MACROD2: variants seen among roughly 807,000 people sequenced by gnomAD.
MACROD2 encodes mono-ADP ribosylhydrolase 2, also known as ADP-ribose glycohydrolase MACROD2.
In MACROD2, 36 loss-of-function variants were observed where a neutral mutation model predicts 70.4. The ratio of observed to expected loss-of-function variants is 0.51; its 90% CI spans 0.39 to 0.68. The LOEUF is 0.68. Ranked by LOEUF, MACROD2 falls within the 30% of genes least tolerant of loss-of-function variation. The pLI is 0.00. For synonymous variants in MACROD2, 172 were observed against 178.8 expected (o/e 0.96, Z 0.30); for missense variants, 496 against 538.4 (o/e 0.92, Z 0.78).
intron 5 of MACROD2, among the ~76,000 whole-genome samples, chr20:14,870,741 C>T (rs1364052873): frequency 4.0e-5 from 6 of 151,792 alleles, no homozygotes; most frequent in African/African-American, 1.5e-4. Flanking sequence ...CATGTGTATG[C>T]TTTCTTTTGA....
In MACROD2 at chr20:14,730,106, A is replaced by T. The variant is rs183928834; in HGVS notation, c.418+45147A>T. On this transcript the variant is annotated intron_variant, in intron 5 of 17. Coordinates refer to ENST00000684519, the MANE Select transcript of MACROD2 (RefSeq NM_001351661.2). ...CAGCCTGAAGAGTCAAAGAGGTAGA[A>T]AATATGGGAGCCAGATGAAGAGATG... 1.9e-3 allele frequency among the ~76,000 whole-genome samples: 294 copies of T among 152,236 alleles called. 2 individuals carry two copies. Among genetic ancestry groups the T allele is most frequent in the Non-Finnish European group, 2.9e-3 (200 of 68,022 alleles).
At chr20:15,709,869 A>C (rs1346401240) in intron 8 of MACROD2, among the ~76,000 whole-genome samples, 2 of 152,120 alleles carry the variant, frequency 1.3e-5, no homozygotes, top group South Asian at 2.1e-4. Flanking sequence ...ACTATAGAAC[A>C]CTAGAACTTA....
rs1426279457 is a variant in MACROD2, at chr20:15,227,639, A to G, written c.419-2301A>G. 2.0e-5 allele frequency among the ~76,000 whole-genome samples: 3 copies of G among 152,156 alleles called. No individual in the cohort carries two copies. In the East Asian group the frequency reaches 5.8e-4, roughly 29 times the overall value. On this transcript the variant is annotated intron_variant, in intron 5 of 17. Transcript: ENST00000684519. ...AAATGGCCCTGAAACAACATTTCCC[A>G]AAGGTGAAATTGTGGAAATCTAGTC...
chr20:14,808,552 T>C (rs1025356006), intron 5 of MACROD2, among the ~76,000 whole-genome samples: 3 of 152,074 alleles, frequency 2.0e-5, no homozygotes, highest in African/African-American at 7.2e-5. Flanking sequence ...CCAGCTAGCA[T>C]GATAATGACA....
chr20:15,886,405 C>T (rs537260685), intron 10 of MACROD2, among the ~76,000 whole-genome samples: 1 of 152,244 alleles, frequency 6.6e-6, no homozygotes, highest in African/African-American at 2.4e-5. Context: ...TTAGACATTC[C>T]ATTGCATCAC....
intron 6 of MACROD2, among the ~76,000 whole-genome samples, chr20:15,282,788 A>G (rs1412594893): frequency 6.6e-6 from 1 of 152,180 alleles, no homozygotes; most frequent in Non-Finnish European, 1.5e-5. Flanking sequence ...ACCCAGTTCC[A>G]AAGGTGCTTC....
chr20:15,844,326 C>G (rs2064205962), intron 8 of MACROD2, among the ~76,000 whole-genome samples: 1 of 152,104 alleles, frequency 6.6e-6, no homozygotes, highest in Non-Finnish European at 1.5e-5. Context: ...AAATGACGAA[C>G]ACATAAAATG....
intron 15 of MACROD2, among the ~76,000 whole-genome samples, chr20:16,003,546 T>A (rs1035837169): frequency 2.0e-5 from 3 of 152,188 alleles, no homozygotes; most frequent in Non-Finnish European, 2.9e-5. Flanking sequence ...TAGCCCAAAG[T>A]GAGGGCAGAG....
At chr20:14,250,133 A>G (rs1240120791) in intron 3 of MACROD2, among the ~76,000 whole-genome samples, 1 of 150,344 alleles carries the variant, frequency 6.7e-6, no homozygotes, top group Non-Finnish European at 1.5e-5. Flanking sequence ...TTTTCCAGCC[A>G]AGACTGACTA....
chr20:15,548,449 G>A (rs2048053336), intron 8 of MACROD2, among the ~76,000 whole-genome samples: 1 of 152,104 alleles, frequency 6.6e-6, no homozygotes, highest in Non-Finnish European at 1.5e-5. Context: ...AGGCTGGAGT[G>A]CAGTGGCGCA....
At chr20:14,060,915 A>C (rs1161898388) in intron 2 of MACROD2, among the ~76,000 whole-genome samples, 1 of 152,130 alleles carries the variant, frequency 6.6e-6, no homozygotes, top group African/African-American at 2.4e-5. Flanking sequence ...TAAAATATTC[A>C]AGCTTTATGT....
At chr20:15,701,598 C>T (rs1194268240) in intron 8 of MACROD2, among the ~76,000 whole-genome samples, 2 of 152,118 alleles carry the variant, frequency 1.3e-5, no homozygotes, top group African/African-American at 4.8e-5. Flanking sequence ...GGTAACATTT[C>T]CAGAGAAAAT....
chr20:14,714,473 G>A lies in MACROD2; in HGVS notation c.418+29514G>A, dbSNP rs184259225. Among the ~76,000 whole-genome samples, 277 of 152,164 alleles carry A rather than the reference G, an allele frequency of 1.8e-3. 2 individuals carry two copies. The highest frequency in any genetic ancestry group is 3.3e-3 in the South Asian group (16 of 4,822). Reference sequence around the variant, plus strand: ...GTCACCTCCTGCAAAAGATTTCAACGTGACCCATAAATATATTCTTATTTT... The same window carrying A: ...GTCACCTCCTGCAAAAGATTTCAACATGACCCATAAATATATTCTTATTTT... On this transcript the variant is annotated intron_variant, in intron 5 of 17. Transcript: ENST00000684519.
chr20:14,776,142 C>A (rs1011670726), intron 5 of MACROD2, among the ~76,000 whole-genome samples: 2 of 152,004 alleles, frequency 1.3e-5, no homozygotes, highest in Admixed American at 6.6e-5. Context: ...TGAACCCATA[C>A]AGGAAAAATG....
chr20:15,932,209 C>G (rs1181497901), intron 10 of MACROD2, among the ~76,000 whole-genome samples: 5 of 152,148 alleles, frequency 3.3e-5, no homozygotes, highest in Non-Finnish European at 7.3e-5. Flanking sequence ...CATCTTTTCT[C>G]CCTCTCTCCA....
At chr20:14,759,255 A>T (rs550249126) in intron 5 of MACROD2, among the ~76,000 whole-genome samples, 86 of 152,264 alleles carry the variant, frequency 5.6e-4, no homozygotes, top group African/African-American at 1.7e-3. Context: ...TATGTACCTT[A>T]TATTTGAGTT....
intron 5 of MACROD2, among the ~76,000 whole-genome samples, chr20:15,136,475 T>A (rs2076149012): frequency 6.6e-6 from 1 of 152,198 alleles, no homozygotes; most frequent in Admixed American, 6.5e-5. Flanking sequence ...GATTCCCTTT[T>A]TAATAAATGG....
At chr20:14,534,076 G>T (rs1411702385) in intron 4 of MACROD2, among the ~76,000 whole-genome samples, 1 of 152,154 alleles carries the variant, frequency 6.6e-6, no homozygotes, top group Non-Finnish European at 1.5e-5. Flanking sequence ...TAAAAGAGAA[G>T]GACATTTAGG....
At chr20:14,977,062 A>C in intron 5 of MACROD2, among the ~76,000 whole-genome samples, 1 of 152,174 alleles carries the variant, frequency 6.6e-6, no homozygotes, top group African/African-American at 2.4e-5. Flanking sequence ...TGATAGAAGA[A>C]AATGCAAAAA....
Sources: gnomAD v4.1 joint callset for allele counts (sites outside exome capture counted in the v4.1 genomes callset) on GRCh38, gnomAD v4.1.1 for gene constraint, MANE v1.5 for transcripts, NCBI Gene and HGNC (gene_info 2026-07-23, HGNC 2026-07-21) for gene names.